GNG7: variants seen among roughly 807,000 people sequenced by gnomAD.
GNG7 encodes guanine nucleotide-binding protein G(I)/G(S)/G(O) subunit gamma-7.
A neutral mutation model predicts 4.0 loss-of-function variants in GNG7; 1 was observed. The ratio of observed to expected loss-of-function variants is 0.25; its 90% CI spans 0.09 to 1.18. The LOEUF (loss-of-function observed/expected upper bound fraction) is 1.18, where lower values mean the gene tolerates loss of function less well. GNG7 is among the 50% of genes most tolerant of loss of function. GNG7 has a pLI of 0.50. For missense variants in GNG7, 86 were observed against 91.9 expected (o/e 0.94, Z 0.26); for synonymous variants, 34 against 36.9 (o/e 0.92, Z 0.29).
intron 2 of GNG7, among the ~76,000 whole-genome samples, chr19:2,598,901 T>G (rs73526849): frequency 3.9e-5 from 6 of 151,976 alleles, no homozygotes; most frequent in Non-Finnish European, 7.4e-5. Context: ...TTGAAAGAAA[T>G]GGAAACTGAT....
At chr19:2,576,409 G>A (rs761325794) in intron 2 of GNG7, among the ~76,000 whole-genome samples, 36 of 152,356 alleles carry the variant, frequency 2.4e-4, no homozygotes, top group Non-Finnish European at 4.4e-4. Context: ...CTGGATGCTT[G>A]CTGACCCCAG....
intron 2 of GNG7, among the ~76,000 whole-genome samples, chr19:2,629,303 C>T (rs1982098435): frequency 6.6e-6 from 1 of 152,146 alleles, no homozygotes; most frequent in African/African-American, 2.4e-5. Flanking sequence ...TCCACTCTAC[C>T]AGTCATCTCC....
At position 2,657,347 on chromosome 19, in the gene GNG7, AAAAAAAAAAAAAAAATATATATATATAT is replaced by A. The variant is rs1308010938; in HGVS notation, c.-134-11095_-134-11068del. On this transcript the variant is annotated intron_variant, in intron 1 of 4. Transcript: ENST00000382159. ...AGACCCCGTCTCAATTAAAAAAAAA[AAAAAAAAAAAAAAAATATATATATATAT>A]ATATATATATATATATATATATATA... Among the ~76,000 whole-genome samples, 127 of 18,714 alleles carry A rather than the reference AAAAAAAAAAAAAAAATATATATATATAT, an allele frequency of 6.8e-3. 9 individuals carry two copies. Among genetic ancestry groups the A allele is most frequent in the South Asian group, 0.028 (16 of 568 alleles). The allele number at this position is 18,714 out of a possible 152,430, so 12.3% of individuals were successfully genotyped here.
rs8103605 is a variant in GNG7, at chr19:2,696,721, A to C, written c.-135+5925T>G. ...AGAGACACCAGACACAAAAGGCCAC[A>C]CAGTGTGTGACCCATTTCTTTGAAA... On this transcript the variant is annotated intron_variant, in intron 1 of 4. Coordinates refer to ENST00000382159, the MANE Select transcript of GNG7 (RefSeq NM_052847.3). Among the ~76,000 whole-genome samples, 403 of 152,320 alleles carry C rather than the reference A, an allele frequency of 2.6e-3. 2 individuals are homozygous for C. The highest frequency in any genetic ancestry group is 8.8e-3 in the African/African-American group (366 of 41,576).
At chr19:2,585,251 AC>A (rs1363886406) in intron 2 of GNG7, among the ~76,000 whole-genome samples, 1 of 152,222 alleles carries the variant, frequency 6.6e-6, no homozygotes, top group Non-Finnish European at 1.5e-5. Flanking sequence ...ATGCACAATT[AC>A]ATACATATAA....
At chr19:2,601,833 C>G (rs1041920432) in intron 2 of GNG7, among the ~76,000 whole-genome samples, 1 of 151,712 alleles carries the variant, frequency 6.6e-6, no homozygotes, top group Non-Finnish European at 1.5e-5. Flanking sequence ...CTTAAGGAGG[C>G]TGAGGTTGCA....
Position 2,620,053 on chromosome 19 carries a change from C to G in GNG7, c.-78+26171G>C, listed in dbSNP as rs574401889. Among the ~76,000 whole-genome samples the G allele has an allele frequency of 7.3e-5, 11 of 151,556 alleles. No homozygotes were observed. The South Asian group carries it at 2.3e-3, about 32-fold the overall frequency. On this transcript the variant is annotated intron_variant, in intron 2 of 4. Coordinates refer to ENST00000382159, the MANE Select transcript of GNG7 (RefSeq NM_052847.3). Reference sequence around the variant, plus strand: ...TCTCTACTAAAAATACAAAATTAGCCAGGCATGGTGGTGCGCGCCTGTATT... The same window carrying G: ...TCTCTACTAAAAATACAAAATTAGCGAGGCATGGTGGTGCGCGCCTGTATT...
Position 2,594,542 on chromosome 19 carries a change from T to A in GNG7, c.-77-39354A>T, listed in dbSNP as rs549441025. Among the ~76,000 whole-genome samples the A allele has an allele frequency of 1.3e-4, 20 of 152,276 alleles. No homozygotes were observed. In the East Asian group the frequency reaches 3.9e-3, roughly 29 times the overall value. Reference sequence around the variant, plus strand: ...CAGGCCAGGACGAGGTCTCTCTGAGTGTCGTCACCTCCTGCAACGGGAATT... The same window carrying A: ...CAGGCCAGGACGAGGTCTCTCTGAGAGTCGTCACCTCCTGCAACGGGAATT... On this transcript the variant is annotated intron_variant, in intron 2 of 4. Coordinates refer to ENST00000382159, the MANE Select transcript of GNG7 (RefSeq NM_052847.3).
chr19:2,664,452 C>T (rs1340695577), intron 1 of GNG7, among the ~76,000 whole-genome samples: 5 of 152,152 alleles, frequency 3.3e-5, no homozygotes, highest in African/African-American at 9.7e-5. Context: ...AGACTGATGA[C>T]GGCCAGGCCG....
At chr19:2,596,665 TC>T (rs150945390) in intron 2 of GNG7, among the ~76,000 whole-genome samples, 1 of 143,968 alleles carries the variant, frequency 6.9e-6, no homozygotes, top group Non-Finnish European at 1.5e-5. Context: ...TGAGACCCTG[TC>T]CCCCCCCCAA....
intron 2 of GNG7, among the ~76,000 whole-genome samples, chr19:2,582,951 G>T (rs1056433044): frequency 6.6e-6 from 1 of 152,082 alleles, no homozygotes; most frequent in East Asian, 1.9e-4. Flanking sequence ...TTATAGGCGT[G>T]AGCCACTGTG....
At chr19:2,585,698 A>C (rs1980650518) in intron 2 of GNG7, among the ~76,000 whole-genome samples, 1 of 151,990 alleles carries the variant, frequency 6.6e-6, no homozygotes, top group Admixed American at 6.5e-5. Flanking sequence ...ATAAAGTGTA[A>C]AATTCAGTAA....
chr19:2,517,116 T>C (rs1271573167), intron 4 of GNG7: 2 of 152,166 alleles, frequency 1.3e-5, no homozygotes, highest in Non-Finnish European at 2.9e-5. Flanking sequence ...AGGGGGAGGA[T>C]TAGATGTGGC....
At chr19:2,548,481 GAAAA>G (rs34242476) in intron 3 of GNG7, among the ~76,000 whole-genome samples, 2 of 77,310 alleles carry the variant, frequency 2.6e-5, no homozygotes, top group Admixed American at 1.7e-4. Context: ...GCTCTGTCTG[GAAAA>G]AAAAAAAAAA....
chr19:2,604,362 C>T (rs1379822468), intron 2 of GNG7, among the ~76,000 whole-genome samples: 1 of 151,192 alleles, frequency 6.6e-6, no homozygotes, highest in Non-Finnish European at 1.5e-5. Flanking sequence ...GTCCCAGCTA[C>T]TCTGGAGGCT....
intron 1 of GNG7, among the ~76,000 whole-genome samples, chr19:2,685,864 C>T (rs982915066): frequency 3.3e-5 from 5 of 152,138 alleles, no homozygotes; most frequent in African/African-American, 1.2e-4. Context: ...AAAGAGGCCA[C>T]TAAGAAAAGG....
At position 2,520,616 on chromosome 19, in the gene GNG7, G is replaced by A. The variant is rs1322509412; in HGVS notation, c.73C>T (p.Arg25Cys). Residue 25 changes from arginine to cysteine, a missense_variant, in exon 4 of 5, where the codon CGC (arginine) becomes TGC (cysteine). By Grantham distance (180) the Arg-to-Cys change is radical. Transcript: ENST00000382159. Reference sequence around the variant, plus strand: ...ATGCCCGCTGGGCTCACCTTGATGCGCTCAATCCCGGCTTCTATGCGTAGC... The same window carrying A: ...ATGCCCGCTGGGCTCACCTTGATGCACTCAATCCCGGCTTCTATGCGTAGC... The part of the protein sequence containing the change: ...EQLRIEAGIE[R>C]IKVSKAASDL... The A allele has an allele frequency of 1.9e-6, 3 of 1,541,396 alleles. No individual in the cohort carries two copies. The highest frequency in any genetic ancestry group is 2.0e-5 in the Admixed American group (1 of 51,222).
chr19:2,688,541 A>G (rs994000258), intron 1 of GNG7, among the ~76,000 whole-genome samples: 5 of 152,290 alleles, frequency 3.3e-5, no homozygotes, highest in African/African-American at 9.6e-5. Flanking sequence ...CACGAGAGAA[A>G]TATCTGACAA....
At chr19:2,691,790 C>A (rs1366617493) in intron 1 of GNG7, among the ~76,000 whole-genome samples, 1 of 151,544 alleles carries the variant, frequency 6.6e-6, no homozygotes, top group Non-Finnish European at 1.5e-5. Context: ...TTGCTTGAAC[C>A]CGGGAGGCGG....
Sources: allele counts gnomAD v4.1 joint callset (sites outside exome capture counted in the v4.1 genomes callset), GRCh38; gene constraint gnomAD v4.1.1; transcripts MANE v1.5; gene names NCBI Gene and HGNC (gene_info 2026-07-23, HGNC 2026-07-21).